Variants in MS4A13 observed in about 807,000 individuals in gnomAD.
The protein encoded by MS4A13 is membrane-spanning 4-domains subfamily A member 13.
MS4A13 carries 21 observed loss-of-function variants against 18.4 expected under a neutral mutation model. The observed-to-expected ratio is 1.14, with a 90% CI of 0.81 to 1.64. The LOEUF is 1.64. Among genes scored for constraint, MS4A13 ranks in the 40% most tolerant of loss-of-function variants. The pLI is 0.00. For missense variants in MS4A13, 173 were observed against 176.8 expected, an observed-to-expected ratio of 0.98 and a Z score of 0.12; for synonymous variants, 62 against 57.2, an observed-to-expected ratio of 1.08 and a Z score of -0.38.
intron 6 of MS4A13, among the ~76,000 whole-genome samples, chr11:60,531,096 A>T (rs2086762968): frequency 6.6e-6 from 1 of 152,194 alleles, no homozygotes; most frequent in African/African-American, 2.4e-5. Context: ...CGTTACGCAG[A>T]AGTTTACCTT....
chr11:60,532,221 C>T (rs929896809), intron 6 of MS4A13, among the ~76,000 whole-genome samples: 28 of 152,200 alleles, frequency 1.8e-4, no homozygotes, highest in Non-Finnish European at 2.9e-4. Context: ...GCATGAGCGA[C>T]GCAGAAGACG....
At chr11:60,528,034 G>A (rs1407918082) in intron 5 of MS4A13, among the ~76,000 whole-genome samples, 3 of 151,962 alleles carry the variant, frequency 2.0e-5, no homozygotes, top group Non-Finnish European at 1.5e-5. Context: ...TTATCCTCCT[G>A]TTTATATCAT....
At chr11:60,531,100 T>C (rs2086762993) in intron 6 of MS4A13, among the ~76,000 whole-genome samples, 1 of 152,182 alleles carries the variant, frequency 6.6e-6, no homozygotes, top group Non-Finnish European at 1.5e-5. Context: ...ACGCAGAAGT[T>C]TACCTTGGTG....
At chr11:60,532,726 GACAA>G (rs1252541657) in intron 6 of MS4A13, among the ~76,000 whole-genome samples, 7 of 143,744 alleles carry the variant, frequency 4.9e-5, no homozygotes, top group Non-Finnish European at 1.1e-4. Flanking sequence ...GCAGGGCACA[GACAA>G]ACAAAAAGAC....
At chr11:60,515,727 A>G (rs922771575) in intron 1 of MS4A13, 120 bp downstream of exon 1, 1 of 152,230 alleles carries the variant, frequency 6.6e-6, no homozygotes, top group Non-Finnish European at 1.5e-5. Context: ...TTTACTACTC[A>G]GAGATGATAG....
intron 4 of MS4A13, among the ~76,000 whole-genome samples, chr11:60,524,661 A>AT (rs1246862728): frequency 0.023 from 2,305 of 99,966 alleles, 54 homozygotes; most frequent in African/African-American, 0.069. Context: ...AAAACACAAT[A>AT]CTTTTTTTTT....
At chr11:60,522,462 T>A (rs1446421733) in intron 3 of MS4A13, among the ~76,000 whole-genome samples, 17 of 152,086 alleles carry the variant, frequency 1.1e-4, no homozygotes, top group Admixed American at 9.2e-4. Flanking sequence ...GGAGAAAGAA[T>A]GGTTGGATAG....
In MS4A13 at chr11:60,527,091, A is replaced by C. The variant is rs530927949; in HGVS notation, c.306+1765A>C. ...AACAGATATAAAATGGAAATTACTTACCTCCTCAGAAGTACTATACTGCAA... is the reference window on the plus strand; with the variant it reads ...AACAGATATAAAATGGAAATTACTTCCCTCCTCAGAAGTACTATACTGCAA... On this transcript the variant is annotated intron_variant, in intron 5 of 6. Coordinates refer to ENST00000378186, the MANE Select transcript of MS4A13 (RefSeq NM_001012417.3). Among the ~76,000 whole-genome samples, 23 of 152,174 alleles carry C rather than the reference A, an allele frequency of 1.5e-4. 2 individuals carry two copies. The South Asian group carries it at 4.8e-3, about 32-fold the overall frequency.
intron 4 of MS4A13, 39 bp from the exon 5 acceptor site, chr11:60,525,168 T>C: frequency 1.4e-6 from 2 of 1,467,330 alleles, no homozygotes; most frequent in Non-Finnish European, 1.9e-6. Context: ...AAAATGTTTA[T>C]TCTGAATATA....
rs1487716200 is a variant in MS4A13, at chr11:60,518,088, T to C, written c.5T>C (p.Ile2Thr). Residue 2 changes from isoleucine (I) to threonine (T), a missense_variant, in exon 3 of 7, where the codon ATT (isoleucine) becomes ACT (threonine). Transcript: ENST00000378186. M[I>T]GIFHIFMWYF... The stretch of plus-strand genomic sequence containing the variant: ...TTCTCACAGACTATCCAGATTATGA[T>C]TGGCATCTTTCACATTTTCATGTGG... The C allele has an allele frequency of 1.9e-6, 3 of 1,597,682 alleles. No individual in the cohort carries two copies.
chr11:60,542,811 C>T (rs144963348), downstream of MS4A13: 429 of 329,530 alleles, frequency 1.3e-3, 2 homozygotes, highest in African/African-American at 8.2e-3. Flanking sequence ...TATCTAGGTA[C>T]GCTGAATAGC....
chr11:60,527,950 G>C (rs539104345), intron 5 of MS4A13, among the ~76,000 whole-genome samples: 1 of 152,266 alleles, frequency 6.6e-6, no homozygotes, highest in South Asian at 2.1e-4. Flanking sequence ...TTATGATTAT[G>C]ATTGTGCATT....
chr11:60,543,020 A>G (rs1183596447), downstream of MS4A13, among the ~76,000 whole-genome samples: 1 of 152,164 alleles, frequency 6.6e-6, no homozygotes, highest in Admixed American at 6.5e-5. Context: ...TCAAAGTATG[A>G]ATCAAAAGGC....
intron 3 of MS4A13, among the ~76,000 whole-genome samples, chr11:60,521,752 G>T (rs748767546): frequency 6.6e-6 from 1 of 152,152 alleles, no homozygotes; most frequent in Non-Finnish European, 1.5e-5. Context: ...CTGTTACCCA[G>T]TTCCAAAGTC....
Position 60,525,250 on chromosome 11 carries a change from C to G in MS4A13, c.230C>G (p.Thr77Arg). Residue 77 changes from threonine (T) to arginine (R), a missense_variant, in exon 5 of 7, where the codon ACA (threonine) becomes AGA (arginine). Thr to Arg is a moderately conservative substitution (Grantham distance 71). Transcript: ENST00000378186. ...LIINIICIITTITAVTLTIIE... is the reference protein window; with the variant it reads ...LIINIICIITRITAVTLTIIE... ...ATAAACATCATCTGCATAATTACTA[C>G]AATTACTGCAGTAACTCTAACAATA... 1.3e-6 allele frequency: 2 copies of G among 1,572,336 alleles called. No individual in the cohort carries two copies. Among genetic ancestry groups the G allele is most frequent in the Non-Finnish European group, 1.7e-6 (2 of 1,144,232 alleles).
chr11:60,538,204 A>AC (rs1352461926), intron 6 of MS4A13, among the ~76,000 whole-genome samples: 1 of 151,226 alleles, frequency 6.6e-6, no homozygotes, highest in African/African-American at 2.4e-5. Flanking sequence ...AAAAAAAAAA[A>AC]CAAAGTTGAA....
chr11:60,542,311 G>A (rs149975647), intron 6 of MS4A13, among the ~76,000 whole-genome samples: 215 of 151,134 alleles, frequency 1.4e-3, no homozygotes, highest in African/African-American at 4.8e-3. Context: ...AGGGAGGAAG[G>A]GAGGAAGGGA....
intron 3 of MS4A13, among the ~76,000 whole-genome samples, chr11:60,521,286 A>G (rs367956364): frequency 6.6e-6 from 1 of 152,346 alleles, no homozygotes; most frequent in South Asian, 2.1e-4. Flanking sequence ...CTCATTTCTT[A>G]TGCAAATTTC....
chr11:60,527,408 C>CTGTGTGTGTGTG (rs1275890708), intron 5 of MS4A13, among the ~76,000 whole-genome samples: 155 of 35,514 alleles, frequency 4.4e-3, no homozygotes, highest in Non-Finnish European at 5.5e-3. Context: ...CTCTCTCTCT[C>CTGTGTGTGTGTG]TCTGTGTGTG....
Sources: gnomAD v4.1 joint callset for allele counts (sites outside exome capture counted in the v4.1 genomes callset) on GRCh38, gnomAD v4.1.1 for gene constraint, MANE v1.5 for transcripts, NCBI Gene and HGNC (gene_info 2026-07-23, HGNC 2026-07-21) for gene names.